Variants in NPAS3 observed in about 807,000 individuals in gnomAD.
NPAS3 encodes the protein neuronal PAS domain protein 3.
A neutral mutation model predicts 73.1 loss-of-function variants in NPAS3; 14 were observed. The observed-to-expected ratio is 0.19, with a 90% CI of 0.13 to 0.30. The LOEUF is 0.30. Ranked by LOEUF, NPAS3 falls within the 10% of genes least tolerant of loss-of-function variation. NPAS3 has a pLI of 1.00. For missense variants in NPAS3, 1,096 were observed against 1,250.0 expected (o/e 0.88, Z 1.86); for synonymous variants, 620 against 541.5 (o/e 1.14, Z -2.01).
chr14:33,340,450 G>A (rs574699240), intron 3 of NPAS3, among the ~76,000 whole-genome samples: 2 of 152,322 alleles, frequency 1.3e-5, no homozygotes, highest in African/African-American at 2.4e-5. Flanking sequence ...AGCCGAGATC[G>A]TGCCACTGCA....
Position 32,942,185 on chromosome 14 carries a change from A to G in NPAS3, c.50+2819A>G, listed in dbSNP as rs74041754. Among the ~76,000 whole-genome samples, 282 of 152,342 alleles carry G rather than the reference A, an allele frequency of 1.9e-3. 2 individuals are homozygous for G. Among genetic ancestry groups the G allele is most frequent in the African/African-American group, 6.5e-3 (270 of 41,580 alleles). ...ATTTATTTAAAAAAATGTTTTCAAA[A>G]TCATTGATTTCACAGAGGCATTTAT... On this transcript the variant is annotated intron_variant, in intron 1 of 11. Transcript: ENST00000356141.
chr14:33,079,882 G>A (rs1266751807), intron 2 of NPAS3, among the ~76,000 whole-genome samples: 1 of 151,946 alleles, frequency 6.6e-6, no homozygotes, highest in Non-Finnish European at 1.5e-5. Context: ...CAAGGTGCTG[G>A]GATTACAGGC....
chr14:33,348,199 T>A (rs544710506), intron 3 of NPAS3, among the ~76,000 whole-genome samples: 1 of 152,176 alleles, frequency 6.6e-6, no homozygotes, highest in East Asian at 1.9e-4. Flanking sequence ...GGTTGCTAAA[T>A]AGCAAAATCA....
chr14:33,312,109 TG>T (rs2043026606), intron 3 of NPAS3, among the ~76,000 whole-genome samples: 1 of 152,130 alleles, frequency 6.6e-6, no homozygotes, highest in African/African-American at 2.4e-5. Context: ...CATTATAACG[TG>T]GGTGTCATTA....
chr14:33,153,244 CTG>C (rs2044523567), intron 2 of NPAS3, among the ~76,000 whole-genome samples: 1 of 151,338 alleles, frequency 6.6e-6, no homozygotes, highest in African/African-American at 2.4e-5. Context: ...GTCGTATCTT[CTG>C]TGTTAGAGAG....
intron 2 of NPAS3, among the ~76,000 whole-genome samples, chr14:33,140,906 A>G (rs770143146): frequency 3.9e-5 from 6 of 152,186 alleles, no homozygotes; most frequent in Admixed American, 1.3e-4. Flanking sequence ...TAATGGGGAA[A>G]TCCTAAAGCT....
At chr14:33,501,387 A>G (rs1248240913) in intron 4 of NPAS3, among the ~76,000 whole-genome samples, 1 of 151,842 alleles carries the variant, frequency 6.6e-6, no homozygotes, top group African/African-American at 2.4e-5. Context: ...TAAAAGGTGG[A>G]TTTGAAATCC....
chr14:33,753,152 A>C (rs951560554), intron 7 of NPAS3, among the ~76,000 whole-genome samples: 1 of 152,116 alleles, frequency 6.6e-6, no homozygotes, highest in Non-Finnish European at 1.5e-5. Context: ...AGTGGAAAGC[A>C]ATGTGAGGTT....
chr14:33,487,453 C>T (rs1199999105), intron 4 of NPAS3, among the ~76,000 whole-genome samples: 12 of 152,076 alleles, frequency 7.9e-5, no homozygotes, highest in Non-Finnish European at 1.3e-4. Context: ...TTTAAACTAT[C>T]GAGGACTTGA....
At chr14:33,149,289 T>G (rs1279032589) in intron 2 of NPAS3, among the ~76,000 whole-genome samples, 2 of 152,230 alleles carry the variant, frequency 1.3e-5, no homozygotes, top group Non-Finnish European at 2.9e-5. Context: ...TTCCGAAGTG[T>G]TCATCATTCC....
At chr14:33,106,712 G>A (rs1015004733) in intron 2 of NPAS3, among the ~76,000 whole-genome samples, 1 of 152,116 alleles carries the variant, frequency 6.6e-6, no homozygotes, top group African/African-American at 2.4e-5. Flanking sequence ...ATAATTTGAA[G>A]AGGCAGATAT....
intron 6 of NPAS3, among the ~76,000 whole-genome samples, chr14:33,726,748 A>T (rs1181016584): frequency 6.6e-6 from 1 of 152,218 alleles, no homozygotes; most frequent in Non-Finnish European, 1.5e-5. Context: ...GAACAAAGAA[A>T]AAGTGAGCTA....
At chr14:33,092,256 A>C (rs1470638980) in intron 2 of NPAS3, among the ~76,000 whole-genome samples, 1 of 145,594 alleles carries the variant, frequency 6.9e-6, no homozygotes, top group Non-Finnish European at 1.5e-5. Flanking sequence ...TTAAGCTGTT[A>C]AGCAACTTCA....
At chr14:33,140,468 G>A (rs180821206) in intron 2 of NPAS3, among the ~76,000 whole-genome samples, 5 of 152,150 alleles carry the variant, frequency 3.3e-5, no homozygotes, top group African/African-American at 4.8e-5. Context: ...ATCCTTTCCC[G>A]TTACTCACTG....
chr14:33,587,040 C>G (rs1391308635), intron 5 of NPAS3, among the ~76,000 whole-genome samples: 1 of 152,174 alleles, frequency 6.6e-6, no homozygotes, highest in Non-Finnish European at 1.5e-5. Context: ...TGGTCCTGTT[C>G]TCTCCTAGCC....
chr14:33,791,169 C>T (rs146819190), intron 9 of NPAS3, among the ~76,000 whole-genome samples: 20 of 152,328 alleles, frequency 1.3e-4, no homozygotes, highest in African/African-American at 4.3e-4. Context: ...TCAAACTCGT[C>T]CTCTTCAGCC....
chr14:33,398,271 C>A (rs1015858282), intron 4 of NPAS3, among the ~76,000 whole-genome samples: 4 of 151,876 alleles, frequency 2.6e-5, no homozygotes, highest in Admixed American at 2.6e-4. Flanking sequence ...GTGCAGAGCC[C>A]CAGTCAGAAC....
chr14:33,745,053 C>A (rs559441440), intron 7 of NPAS3, among the ~76,000 whole-genome samples: 1 of 151,972 alleles, frequency 6.6e-6, no homozygotes, highest in East Asian at 1.9e-4. Flanking sequence ...CCAATCTGGG[C>A]AAAACAGCAA....
intron 2 of NPAS3, among the ~76,000 whole-genome samples, chr14:33,062,030 G>C (rs140960955): frequency 6.6e-6 from 1 of 151,884 alleles, no homozygotes; most frequent in African/African-American, 2.4e-5. Flanking sequence ...GCTGGGGAAC[G>C]GTGACAGGAG....
Sources: allele counts gnomAD v4.1 joint callset (sites outside exome capture counted in the v4.1 genomes callset), GRCh38; gene constraint gnomAD v4.1.1; transcripts MANE v1.5; gene names NCBI Gene and HGNC (gene_info 2026-07-23, HGNC 2026-07-21).